The following USP43 variants were observed in gnomAD, a reference collection of about 807,000 sequenced individuals.
USP43 encodes the protein ubiquitin specific peptidase 43.
In USP43, 33 loss-of-function variants were observed where a neutral mutation model predicts 90.7. The observed-to-expected ratio is 0.36, with a 90% CI of 0.28 to 0.49. The LOEUF is 0.49. Among genes scored for constraint, USP43 ranks in the 20% least tolerant of loss-of-function variants. The pLI is 0.98. For synonymous variants in USP43, 598 were observed against 615.8 expected, an observed-to-expected ratio of 0.97 and a Z score of 0.43; for missense variants, 1,274 against 1,476.4, an observed-to-expected ratio of 0.86 and a Z score of 2.25.
intron 14 of USP43, among the ~76,000 whole-genome samples, chr17:9,716,560 C>T (rs1916582507): frequency 6.6e-6 from 1 of 152,202 alleles, no homozygotes; most frequent in Admixed American, 6.5e-5. Context: ...AATAAAAAAG[C>T]AAACACAGGG....
At chr17:9,702,049 T>C (rs1182910446) in intron 12 of USP43, among the ~76,000 whole-genome samples, 1 of 151,716 alleles carries the variant, frequency 6.6e-6, no homozygotes, top group Non-Finnish European at 1.5e-5. Flanking sequence ...TGACATTGAG[T>C]TAGGTTGGAG....
In USP43 at chr17:9,712,056, C is replaced by T. The variant is rs1916230085; in HGVS notation, c.2259C>T (p.Ser753=). ...CAAGGGGAAGCCTGCTGTCCTGGAG[C>T]TCTGCCCCCTGCCCCTCCCTGCCCC... ...GSTRGSLLSW[S]SAPCPSLPQV... Residue 753 remains serine, a synonymous_variant, in exon 14 of 15, where the codon AGC becomes AGT. Transcript: ENST00000285199. The T allele has an allele frequency of 6.2e-7, 1 of 1,612,800 alleles. No homozygotes were observed. Among genetic ancestry groups the T allele is most frequent in the East Asian group, 2.2e-5 (1 of 44,748 alleles).
intron 14 of USP43, among the ~76,000 whole-genome samples, chr17:9,727,250 C>A (rs376483339): frequency 1.4e-4 from 21 of 152,106 alleles, no homozygotes; most frequent in African/African-American, 5.1e-4. Context: ...ATTTCTTAAG[C>A]AAAAATACAC....
chr17:9,685,152 C>T (rs1419873726), intron 7 of USP43, among the ~76,000 whole-genome samples: 4 of 152,226 alleles, frequency 2.6e-5, no homozygotes, highest in Non-Finnish European at 5.9e-5. Context: ...AGTGCCCTTG[C>T]CTGTCCAGAC....
Position 9,645,692 on chromosome 17 carries a change from C to G in USP43, c.60C>G (p.Arg20=). 7.7e-7 allele frequency: 1 copy of G among 1,299,084 alleles called. No individual in the cohort carries two copies. Among genetic ancestry groups the G allele is most frequent in the South Asian group, 2.4e-5 (1 of 41,900 alleles). 80.5% of individuals were successfully genotyped at this position (1,299,084 alleles called of 1,614,324 possible). Reference sequence around the variant, plus strand: ...GACCGCTCGCGCCCCGGCCCCGCCGCCGCCGCTCCCTGCGCCGCCTGTTCA... The same window carrying G: ...GACCGCTCGCGCCCCGGCCCCGCCGGCGCCGCTCCCTGCGCCGCCTGTTCA... ...GGGPLAPRPR[R]RRSLRRLFSR... Residue 20 remains arginine, a synonymous_variant, in exon 1 of 15, where the codon CGC becomes CGG. Coordinates refer to ENST00000285199, the MANE Select transcript of USP43 (RefSeq NM_153210.5). This position sits in a 1 kb window ranked among gnomAD's most constrained non-coding sequence, Gnocchi z 6.8.
intron 2 of USP43, among the ~76,000 whole-genome samples, chr17:9,665,702 C>T (rs1567651858): frequency 6.6e-6 from 1 of 152,154 alleles, no homozygotes; most frequent in Non-Finnish European, 1.5e-5. Context: ...GAGATGGGGT[C>T]ATTAACCTGG....
At chr17:9,667,953 C>T (rs1414311587) in intron 3 of USP43, among the ~76,000 whole-genome samples, 1 of 152,148 alleles carries the variant, frequency 6.6e-6, no homozygotes, top group African/African-American at 2.4e-5. Context: ...TGGTAAGTGG[C>T]AGAACCAGGA....
chr17:9,692,994 A>G (rs1915047525), intron 8 of USP43, 133 bp from the exon 9 acceptor site: 1 of 742,922 alleles, frequency 1.3e-6, no homozygotes. Flanking sequence ...TTGAATTCTA[A>G]TTATTACGGG....
Position 9,686,834 on chromosome 17 carries a change from T to G in USP43, c.1278T>G (p.Ala426=), listed in dbSNP as rs1365895042. 1.2e-6 allele frequency: 2 copies of G among 1,613,828 alleles called. No individual in the cohort carries two copies. Among genetic ancestry groups the G allele is most frequent in the Non-Finnish European group, 1.7e-6 (2 of 1,179,882 alleles). Reference sequence around the variant, plus strand: ...CCTTCCTGATAAGGGAAGACAGAGCTGTTTCCTGGGCCCAGCTCCAGCAGT... The same window carrying G: ...CCTTCCTGATAAGGGAAGACAGAGCGGTTTCCTGGGCCCAGCTCCAGCAGT... The part of the protein sequence containing the change: ...GPPFLIREDR[A]VSWAQLQQSI... Residue 426 remains alanine (A), a synonymous_variant, in exon 8 of 15, where the codon GCT becomes GCG. Coordinates refer to ENST00000285199, the MANE Select transcript of USP43 (RefSeq NM_153210.5). This position sits in a 1 kb window ranked among gnomAD's most constrained non-coding sequence, Gnocchi z 5.5.
chr17:9,666,738 C>A lies in USP43; in HGVS notation c.727C>A (p.Gln243Lys). The A allele has an allele frequency of 6.2e-7, 1 of 1,612,212 alleles. No homozygotes were observed. Among genetic ancestry groups the A allele is most frequent in the Non-Finnish European group, 8.5e-7 (1 of 1,179,078 alleles). The change falls in exon 3 of 15, where the codon CAA becomes AAA. Residue 243 changes from glutamine to lysine, a missense_variant. Gln to Lys is a moderately conservative substitution (Grantham distance 53). Transcript: ENST00000285199. ...LGQSFVQSHF[Q>K]AQYRSSLTCP... ...TCAAAGCTTTGTGCAAAGCCACTTTCAAGCACAATATAGGTAAGATGGGGA... is the reference window on the plus strand; with the variant it reads ...TCAAAGCTTTGTGCAAAGCCACTTTAAAGCACAATATAGGTAAGATGGGGA...
Position 9,729,110 on chromosome 17 carries a change from A to AAT in USP43, c.*120_*121insAT. The AAT allele has an allele frequency of 3.7e-5, 31 of 827,710 alleles. No individual in the cohort carries two copies. The highest frequency in any genetic ancestry group is 4.4e-5 in the Non-Finnish European group (27 of 611,176). The allele number at this position is 827,710 out of a possible 1,614,324, so 51.3% of individuals were successfully genotyped here. On this transcript the variant is annotated 3_prime_UTR_variant, in exon 15 of 15. Transcript: ENST00000285199. ...GTTGTCTTGTAATCTCTAAAAAAAAATTTTTTTTTTTTTGTGGTGGGGGGT... is the reference window on the plus strand; with the variant it reads ...GTTGTCTTGTAATCTCTAAAAAAAAAATTTTTTTTTTTTTTGTGGTGGGGGGT...
At chr17:9,704,440 C>T (rs1383877813) in intron 12 of USP43, among the ~76,000 whole-genome samples, 2 of 152,072 alleles carry the variant, frequency 1.3e-5, no homozygotes, top group African/African-American at 4.8e-5. Context: ...GTACTTGGGA[C>T]TCAGGGCTGG....
At chr17:9,691,817 G>A (rs1298999501) in intron 8 of USP43, among the ~76,000 whole-genome samples, 1 of 151,976 alleles carries the variant, frequency 6.6e-6, no homozygotes, top group Non-Finnish European at 1.5e-5. Context: ...GGGAGGCCAA[G>A]GCGGATGAGG....
chr17:9,678,407 A>C (rs892794388), intron 5 of USP43, among the ~76,000 whole-genome samples: 13 of 152,178 alleles, frequency 8.5e-5, no homozygotes, highest in African/African-American at 2.4e-4. Flanking sequence ...GCCAGGCTGG[A>C]GTGCAGTGGC....
At chr17:9,711,252 G>T (rs1916179554) in intron 13 of USP43, among the ~76,000 whole-genome samples, 1 of 152,102 alleles carries the variant, frequency 6.6e-6, no homozygotes, top group South Asian at 2.1e-4. Context: ...CTGGGGCCCT[G>T]GTACTGGTAA....
chr17:9,709,739 T>TA lies in USP43; in HGVS notation c.2012-214dup, dbSNP rs1183664884. On this transcript the variant is annotated intron_variant, in intron 12 of 14. Coordinates refer to ENST00000285199, the MANE Select transcript of USP43 (RefSeq NM_153210.5). This position sits in a 1 kb window ranked among gnomAD's most constrained non-coding sequence, Gnocchi z 5.0. ...TCAAAAATAAATAAAAATAAATAAA[T>TA]AAATAAAAATAATAACAGCACTTGT... Among the ~76,000 whole-genome samples, 15 of 151,662 alleles carry TA rather than the reference T, an allele frequency of 9.9e-5. No homozygotes were observed. Among genetic ancestry groups the TA allele is most frequent in the East Asian group, 5.8e-4 (3 of 5,164 alleles).
At chr17:9,671,176 A>G (rs1181168368) in intron 3 of USP43, among the ~76,000 whole-genome samples, 5 of 152,224 alleles carry the variant, frequency 3.3e-5, no homozygotes, top group Admixed American at 3.3e-4. Context: ...GACTATAGCA[A>G]AGATATTTAG....
rs1914249049 is a variant in USP43, at chr17:9,681,461, A to ATTAT, written c.1105+1096_1105+1099dup. On this transcript the variant is annotated intron_variant, in intron 6 of 14. Coordinates refer to ENST00000285199, the MANE Select transcript of USP43 (RefSeq NM_153210.5). ...ATATAGATAAATATATATAAAATAT[A>ATTAT]TTATATATATATATATATATATATA... Among the ~76,000 whole-genome samples, 3 of 65,038 alleles carry ATTAT rather than the reference A, an allele frequency of 4.6e-5. 1 individual carries two copies. The highest frequency in any genetic ancestry group is 8.9e-5 in the Non-Finnish European group (3 of 33,542). The allele number at this position is 65,038 out of a possible 152,430, so 42.7% of individuals were successfully genotyped here.
chr17:9,727,760 A>G (rs902743380), intron 14 of USP43, among the ~76,000 whole-genome samples, 194 bp from the exon 15 acceptor site: 1 of 152,230 alleles, frequency 6.6e-6, no homozygotes, highest in Non-Finnish European at 1.5e-5. Flanking sequence ...CAAACGTGTA[A>G]GTGGATATTG....
Sources: allele counts gnomAD v4.1 joint callset (sites outside exome capture counted in the v4.1 genomes callset), GRCh38; gene constraint gnomAD v4.1.1; non-coding constraint Gnocchi (gnomAD v3.1); transcripts MANE v1.5; gene names NCBI Gene and HGNC (gene_info 2026-07-23, HGNC 2026-07-21).